TOX2: variants seen among roughly 807,000 people sequenced by gnomAD.
The protein encoded by TOX2 is TOX high mobility group box family member 2.
TOX2 carries 15 observed loss-of-function variants against 47.4 expected under a neutral mutation model. That is an observed-to-expected ratio of 0.32 (90% CI 0.21 to 0.49). TOX2 has a LOEUF of 0.49. Among genes scored for constraint, TOX2 ranks in the 20% least tolerant of loss-of-function variants. The pLI, the probability that TOX2 is intolerant of heterozygous loss-of-function variation, is 0.99. For missense variants in TOX2, 622 were observed against 673.1 expected (o/e 0.92, Z 0.84); for synonymous variants, 290 against 296.6 (o/e 0.98, Z 0.23).
At chr20:44,006,417 A>C (rs1381725410) in intron 2 of TOX2, 130 bp from the exon 3 acceptor site, 5 of 1,430,386 alleles carry the variant, frequency 3.5e-6, no homozygotes, top group Admixed American at 2.2e-5. Context: ...TGCCTTGCAG[A>C]AACATCATCC....
rs1463099175 is a variant in TOX2, at chr20:44,066,806, G to A, written c.1433G>A (p.Gly478Glu). 6.2e-7 allele frequency: 1 copy of A among 1,614,196 alleles called. No homozygotes were observed. Residue 478 changes from glycine to glutamate, a missense_variant, in exon 8 of 9, where the codon GGG (glycine) becomes GAG (glutamate). Coordinates refer to ENST00000341197, the MANE Select transcript of TOX2 (RefSeq NM_001098797.2). The stretch of plus-strand genomic sequence containing the variant: ...GGCCCATCCAACCCCACCAGCAGCG[G>A]GGACTGGGACAGCAGCTACCCCAGT... ...SPGPSNPTSS[G>E]DWDSSYPSGE...
chr20:44,018,737 A>G (rs2070926717), intron 3 of TOX2, among the ~76,000 whole-genome samples: 1 of 152,182 alleles, frequency 6.6e-6, no homozygotes, highest in Admixed American at 6.5e-5. Flanking sequence ...AAGCTCCAGG[A>G]GAGAGTGTCG....
At chr20:43,999,968 ACAG>A (rs1162100167) in intron 2 of TOX2, among the ~76,000 whole-genome samples, 45 of 152,368 alleles carry the variant, frequency 3.0e-4, no homozygotes, top group Non-Finnish European at 2.9e-5. Flanking sequence ...TGGGGAAAGA[ACAG>A]CAGGCTGTGT....
At chr20:44,028,845 G>C (rs2071105398) in intron 3 of TOX2, among the ~76,000 whole-genome samples, 1 of 152,160 alleles carries the variant, frequency 6.6e-6, no homozygotes. Flanking sequence ...TTATCCACCT[G>C]CTGTGACCAA....
In TOX2 at chr20:44,054,482, A is replaced by G. The variant is rs2071582688; in HGVS notation, c.835A>G (p.Ile279Val). ...TGCCACTTTCGGTGACGTGTCCAAA[A>G]TCGTGGCCTCCATGTGGGACAGCCT... ...PSATFGDVSKIVASMWDSLGE... is the reference protein window; with the variant it reads ...PSATFGDVSKVVASMWDSLGE... The change falls in exon 5 of 9, where the codon ATC becomes GTC. Residue 279 changes from isoleucine (I) to valine (V), a missense_variant. By Grantham distance (29) the Ile-to-Val change is conservative. Coordinates refer to ENST00000341197, the MANE Select transcript of TOX2 (RefSeq NM_001098797.2). 6.2e-7 allele frequency: 1 copy of G among 1,613,902 alleles called. No individual in the cohort carries two copies. The highest frequency in any genetic ancestry group is 8.5e-7 in the Non-Finnish European group (1 of 1,179,986).
chr20:44,057,245 C>A (rs1422480319), intron 5 of TOX2, among the ~76,000 whole-genome samples: 1 of 152,182 alleles, frequency 6.6e-6, no homozygotes, highest in African/African-American at 2.4e-5. Context: ...TGTCTCCTCA[C>A]TTCTCAGATT....
Position 43,955,080 on chromosome 20 carries a change from T to G in TOX2, c.100-18287T>G, listed in dbSNP as rs1325522568. The G allele has an allele frequency of 1.2e-5, 3 of 260,396 alleles. No homozygotes were observed. In the East Asian group the frequency reaches 5.3e-4, roughly 46 times the overall value. The allele number at this position is 260,396 out of a possible 1,614,324, so 16.1% of individuals were successfully genotyped here. A position where few individuals can be genotyped will look rare whatever the true frequency, so the allele number is the denominator to read the frequency against. ...AGCTGACGCGAGGCTCTTTGTAATC[T>G]TTACTCACCCCACTTGTGTGAATAT... On this transcript the variant is annotated intron_variant, in intron 1 of 8. Coordinates refer to ENST00000341197, the MANE Select transcript of TOX2 (RefSeq NM_001098797.2).
At chr20:44,042,198 C>T (rs1383527208) in intron 3 of TOX2, among the ~76,000 whole-genome samples, 1 of 152,204 alleles carries the variant, frequency 6.6e-6, no homozygotes, top group Admixed American at 6.5e-5. Context: ...GGGGAACTCC[C>T]GTTTATAAAA....
At position 44,065,948 on chromosome 20, in the gene TOX2, C is replaced by T. The variant is rs376930681; in HGVS notation, c.1197C>T (p.Ser399=). 5.3e-5 allele frequency: 86 copies of T among 1,613,226 alleles called. No homozygotes were observed. The highest frequency in any genetic ancestry group is 7.3e-5 in the Non-Finnish European group (86 of 1,179,796). Residue 399 remains serine, a synonymous_variant, in exon 7 of 9, where the codon AGC becomes AGT. Transcript: ENST00000341197. ...CGCCGCCACCCTCCTTCCCGCTCAG[C>T]CCCACACTGCACCAGCAGCTGTCAC... ...SPPPPPSFPL[S]PTLHQQLSLP... is the part of the protein sequence containing the mutation.
chr20:43,952,115 A>G (rs1041509683), intron 1 of TOX2, among the ~76,000 whole-genome samples: 13 of 151,410 alleles, frequency 8.6e-5, no homozygotes, highest in Non-Finnish European at 2.9e-5. Context: ...GTTAGCCAGG[A>G]TGGTCTCGAT....
Position 43,928,586 on chromosome 20 carries a change from C to T in TOX2, c.99+13596C>T, listed in dbSNP as rs181364697. On this transcript the variant is annotated intron_variant, in intron 1 of 8. Transcript: ENST00000341197. ...ATGCTAACAGCAAGTCACGGCCTGT[C>T]GAGGTGTCCTGTGGGACAATTTTTC... Among the ~76,000 whole-genome samples, 147 of 152,322 alleles carry T rather than the reference C, an allele frequency of 9.7e-4. 1 individual carries two copies. The highest frequency in any genetic ancestry group is 3.2e-3 in the African/African-American group (135 of 41,570).
chr20:44,015,587 C>T lies in TOX2; in HGVS notation c.411+8795C>T, dbSNP rs533418341. 1.2e-4 allele frequency among the ~76,000 whole-genome samples: 18 copies of T among 152,222 alleles called. No individual in the cohort carries two copies. The East Asian group carries it at 1.5e-3, about 13-fold the overall frequency. Reference sequence around the variant, plus strand: ...AACCCCAGAGCGGGAGTAATAGCTTCGGCTAGAAAAATAGATGACCGATAA... The same window carrying T: ...AACCCCAGAGCGGGAGTAATAGCTTTGGCTAGAAAAATAGATGACCGATAA... On this transcript the variant is annotated intron_variant, in intron 3 of 8. Coordinates refer to ENST00000341197, the MANE Select transcript of TOX2 (RefSeq NM_001098797.2).
rs186340035 is a variant in TOX2 at position 43,915,617 on chromosome 20, C to A, written c.99+627C>A. The stretch of plus-strand genomic sequence containing the variant: ...TGACGGCCACACAGTCACACGCGGT[C>A]ACACCCAGGGACGGCCACACCTCGG... On this transcript the variant is annotated intron_variant, in intron 1 of 8. Transcript: ENST00000341197. This position sits in a 1 kb window ranked among gnomAD's most constrained non-coding sequence, Gnocchi z 7.1. 6.6e-6 allele frequency among the ~76,000 whole-genome samples: 1 copy of A among 152,366 alleles called. No individual in the cohort carries two copies. Among genetic ancestry groups the A allele is most frequent in the Admixed American group, 6.5e-5 (1 of 15,312 alleles).
chr20:44,017,186 C>G (rs906085514), intron 3 of TOX2, among the ~76,000 whole-genome samples: 5 of 152,154 alleles, frequency 3.3e-5, no homozygotes, highest in African/African-American at 1.2e-4. Context: ...GTCACATAGC[C>G]AGAAAAAGGA....
At chr20:44,009,268 G>T (rs1409872239) in intron 3 of TOX2, among the ~76,000 whole-genome samples, 1 of 152,160 alleles carries the variant, frequency 6.6e-6, no homozygotes, top group African/African-American at 2.4e-5. Flanking sequence ...GGTGTCCTCT[G>T]TGTATTTTTA....
At chr20:44,011,985 C>T (rs1014217091) in intron 3 of TOX2, among the ~76,000 whole-genome samples, 13 of 152,218 alleles carry the variant, frequency 8.5e-5, no homozygotes, top group African/African-American at 1.7e-4. Context: ...TCAACTTCAG[C>T]GTCTTAACTG....
intron 3 of TOX2, among the ~76,000 whole-genome samples, chr20:44,027,657 A>G (rs905319097): frequency 2.0e-5 from 3 of 152,224 alleles, no homozygotes; most frequent in Non-Finnish European, 4.4e-5. Flanking sequence ...GTCGAGCTCA[A>G]ATAGGTCCCA....
At chr20:43,969,870 AG>A (rs1413296321) in intron 1 of TOX2, among the ~76,000 whole-genome samples, 1 of 152,224 alleles carries the variant, frequency 6.6e-6, no homozygotes, top group African/African-American at 2.4e-5. Context: ...GGTTGAATAA[AG>A]GAGTGAATGA....
chr20:43,994,279 G>A (rs1361211713), intron 2 of TOX2, among the ~76,000 whole-genome samples: 2 of 148,710 alleles, frequency 1.3e-5, no homozygotes, highest in African/African-American at 5.0e-5. Flanking sequence ...AGCCTGGGCA[G>A]CATGGCAAAA....
Sources: gnomAD v4.1 joint callset for allele counts (sites outside exome capture counted in the v4.1 genomes callset) on GRCh38, gnomAD v4.1.1 for gene constraint, Gnocchi (gnomAD v3.1) non-coding constraint, MANE v1.5 for transcripts, NCBI Gene and HGNC (gene_info 2026-07-23, HGNC 2026-07-21) for gene names.